The following EYA3 variants were observed in gnomAD, a reference collection of about 807,000 sequenced individuals.
EYA3 encodes the protein EYA transcriptional coactivator and phosphatase 3, also known as protein phosphatase EYA3.
EYA3 carries 39 observed loss-of-function variants against 80.0 expected under a neutral mutation model. That is an observed-to-expected ratio of 0.49 (90% confidence interval 0.38 to 0.64). The LOEUF is 0.64. Among genes scored for constraint, EYA3 ranks in the 30% least tolerant of loss-of-function variants. EYA3 has a pLI of 0.00. For missense variants in EYA3, 523 were observed against 676.1 expected (o/e 0.77, Z 2.51); for synonymous variants, 206 against 232.8 (o/e 0.88, Z 1.05).
intron 17 of EYA3, among the ~76,000 whole-genome samples, chr1:27,976,219 G>C (rs776860556): frequency 4.5e-4 from 68 of 152,264 alleles, no homozygotes; most frequent in Non-Finnish European, 4.6e-4. Context: ...CAGCACTTTG[G>C]GAGTCTGAGG....
At chr1:27,993,255 C>A (rs1346500111) in intron 14 of EYA3, 145 bp downstream of exon 14, 2 of 863,282 alleles carry the variant, frequency 2.3e-6, no homozygotes, top group Non-Finnish European at 3.4e-6. Context: ...TCAACCAAAC[C>A]TCTATTTTTT....
In EYA3 at chr1:27,973,954, TATC is replaced by T. The variant is rs1005415429; in HGVS notation, c.*509_*511del. 6.6e-6 allele frequency: 1 copy of T among 152,316 alleles called. No individual in the cohort carries two copies. Among genetic ancestry groups the T allele is most frequent in the Admixed American group, 6.5e-5 (1 of 15,294 alleles). The allele number at this position is 152,316 out of a possible 1,614,324, so 9.4% of individuals were successfully genotyped here. On this transcript the variant is annotated 3_prime_UTR_variant, in exon 18 of 18. Transcript: ENST00000373871. ...GAGACTCTAAGACTGCAAGAGATGT[TATC>T]ATAAAAGTCTGCTGCATTTATCTGA...
chr1:28,052,413 T>C (rs116256259), intron 2 of EYA3, among the ~76,000 whole-genome samples: 5,457 of 152,264 alleles, frequency 0.036, 153 homozygotes, highest in Non-Finnish European at 0.052. Context: ...AGTCCTGAAA[T>C]AGACCTCTAC....
chr1:28,026,570 A>T (rs1642799734), intron 7 of EYA3, among the ~76,000 whole-genome samples: 1 of 152,170 alleles, frequency 6.6e-6, no homozygotes, highest in Admixed American at 6.5e-5. Flanking sequence ...GTGAGCCATG[A>T]TCGCGCCACT....
At chr1:28,070,088 A>C (rs1644969119) in intron 1 of EYA3, among the ~76,000 whole-genome samples, 1 of 152,222 alleles carries the variant, frequency 6.6e-6, no homozygotes, top group African/African-American at 2.4e-5. Context: ...TGTTGTTTTA[A>C]GCCTCAAAGT....
chr1:28,033,568 C>T (rs1643268046), intron 6 of EYA3, among the ~76,000 whole-genome samples: 1 of 151,624 alleles, frequency 6.6e-6, no homozygotes, highest in South Asian at 2.1e-4. Context: ...TACCAGCATA[C>T]AATATAAACA....
At chr1:28,015,408 A>T (rs960720902) in intron 8 of EYA3, among the ~76,000 whole-genome samples, 2 of 152,162 alleles carry the variant, frequency 1.3e-5, no homozygotes, top group Non-Finnish European at 2.9e-5. Context: ...TCTCAAATTC[A>T]AACCAACGAA....
chr1:27,989,015 C>A (rs1027333517), intron 15 of EYA3, among the ~76,000 whole-genome samples: 5 of 152,210 alleles, frequency 3.3e-5, no homozygotes, highest in African/African-American at 9.6e-5. Context: ...GAGCTGTACT[C>A]TTTCATCTGA....
chr1:28,056,980 T>C (rs1644459143), intron 2 of EYA3, among the ~76,000 whole-genome samples: 2 of 152,178 alleles, frequency 1.3e-5, no homozygotes, highest in Admixed American at 1.3e-4. Flanking sequence ...ACCATTTCCC[T>C]GATAATTAAA....
chr1:28,031,064 T>C (rs2148834356), intron 6 of EYA3, among the ~76,000 whole-genome samples: 1 of 152,340 alleles, frequency 6.6e-6, no homozygotes, highest in East Asian at 1.9e-4. Context: ...TGAGAATGTT[T>C]TGATAGTCTC....
chr1:28,005,308 G>C (rs1315864145), intron 10 of EYA3, among the ~76,000 whole-genome samples: 2 of 152,190 alleles, frequency 1.3e-5, no homozygotes, highest in Non-Finnish European at 2.9e-5. Flanking sequence ...AAAAAAGGAA[G>C]AGGAGGGAAT....
intron 1 of EYA3, among the ~76,000 whole-genome samples, chr1:28,068,920 C>A (rs907829050): frequency 2.6e-5 from 4 of 152,068 alleles, no homozygotes; most frequent in Non-Finnish European, 5.9e-5. Flanking sequence ...GATTCTCATG[C>A]CTCAGCCTCT....
At chr1:28,000,133 C>A (rs1640725577) in intron 11 of EYA3, 84 bp from the exon 12 acceptor site, 4 of 946,138 alleles carry the variant, frequency 4.2e-6, no homozygotes, top group South Asian at 3.5e-5. Context: ...TATTTTAGGT[C>A]AAGGCCAAAA....
At chr1:28,064,797 T>A (rs1416386549) in intron 1 of EYA3, among the ~76,000 whole-genome samples, 1 of 152,002 alleles carries the variant, frequency 6.6e-6, no homozygotes, top group Non-Finnish European at 1.5e-5. Context: ...TCCAAGTAAT[T>A]TTTATATTCA....
chr1:28,038,299 G>A (rs1391873615), intron 5 of EYA3, among the ~76,000 whole-genome samples: 4 of 152,148 alleles, frequency 2.6e-5, no homozygotes, highest in South Asian at 2.1e-4. Flanking sequence ...TTAGCTGGGC[G>A]TGGTGGCATG....
In EYA3 at chr1:27,993,485, C is replaced by T; in HGVS notation, c.1218G>A (p.Gln406=). Residue 406 remains glutamine, a synonymous_variant, in exon 14 of 18, where the codon CAG becomes CAA. Coordinates refer to ENST00000373871, the MANE Select transcript of EYA3 (RefSeq NM_001990.4). Reference sequence around the variant, plus strand: ...GTTTCCTCATCCAGTCCACACCTCCCTGAACACCCACAGATGAACCATGGC... The same window carrying T: ...GTTTCCTCATCCAGTCCACACCTCCTTGAACACCCACAGATGAACCATGGC... ...SGSHGSSVGV[Q]GGVDWMRKLA... The T allele has an allele frequency of 6.2e-7, 1 of 1,613,630 alleles. No homozygotes were observed. Among genetic ancestry groups the T allele is most frequent in the Non-Finnish European group, 8.5e-7 (1 of 1,179,838 alleles).
At chr1:27,982,850 C>G (rs1639403604) in intron 16 of EYA3, among the ~76,000 whole-genome samples, 1 of 152,206 alleles carries the variant, frequency 6.6e-6, no homozygotes, top group African/African-American at 2.4e-5. Flanking sequence ...CAGGCGTGAG[C>G]CACCGCGCTT....
At chr1:28,012,538 A>C (rs934620487) in intron 9 of EYA3, among the ~76,000 whole-genome samples, 6 of 152,230 alleles carry the variant, frequency 3.9e-5, no homozygotes, top group Non-Finnish European at 5.9e-5. Context: ...AATATAAATA[A>C]AAAGTGTGTG....
intron 9 of EYA3, among the ~76,000 whole-genome samples, chr1:28,011,575 C>T (rs1641702530): frequency 6.6e-6 from 1 of 152,142 alleles, no homozygotes; most frequent in African/African-American, 2.4e-5. Flanking sequence ...CAGTTGAAAA[C>T]AACTGTTCAT....
Sources: gnomAD v4.1 joint callset for allele counts (sites outside exome capture counted in the v4.1 genomes callset) on GRCh38, gnomAD v4.1.1 for gene constraint, MANE v1.5 for transcripts, NCBI Gene and HGNC (gene_info 2026-07-23, HGNC 2026-07-21) for gene names.